RABEP1: variants seen among roughly 807,000 people sequenced by gnomAD.
RABEP1 encodes the protein rabaptin, RAB GTPase binding effector protein 1, also known as rab GTPase-binding effector protein 1.
Under a neutral mutation model 123.4 loss-of-function variants are expected in RABEP1, and 51 were observed. The observed-to-expected ratio is 0.41, with a 90% CI of 0.33 to 0.52. The LOEUF (loss-of-function observed/expected upper bound fraction) is 0.52. Among genes scored for constraint, RABEP1 ranks in the 20% least tolerant of loss-of-function variants. RABEP1 has a pLI of 0.16. For missense variants in RABEP1, 888 were observed against 996.3 expected (o/e 0.89, Z 1.46); for synonymous variants, 347 against 355.2 (o/e 0.98, Z 0.26).
chr17:5,385,447 C>G lies in RABEP1; in HGVS notation c.*2224C>G, dbSNP rs941379195. 2 of 200,808 alleles carry G rather than the reference C, an allele frequency of 1.0e-5. No individual in the cohort carries two copies. Among genetic ancestry groups the G allele is most frequent in the African/African-American group, 5.3e-5 (2 of 37,568 alleles). 12.4% of individuals were successfully genotyped at this position (200,808 alleles called of 1,614,324 possible). A position where few individuals can be genotyped will look rare whatever the true frequency, so the allele number is the denominator to read the frequency against. On this transcript the variant is annotated 3_prime_UTR_variant, in exon 18 of 18. Transcript: ENST00000537505. ...TCATGTGGCTTTTAATTGACAGTCA[C>G]TCAGCCATTTCTAAGCAGATATAGT...
intron 7 of RABEP1, among the ~76,000 whole-genome samples, chr17:5,352,913 A>G (rs903973612): frequency 2.0e-5 from 3 of 152,208 alleles, no homozygotes; most frequent in Admixed American, 6.5e-5. Context: ...AGCTCTTACT[A>G]TGTGCTAGCA....
chr17:5,300,457 G>A (rs1347358111), intron 1 of RABEP1, among the ~76,000 whole-genome samples: 3 of 152,176 alleles, frequency 2.0e-5, no homozygotes, highest in Non-Finnish European at 2.9e-5. Flanking sequence ...TATCAGTGAT[G>A]TGTAGCCTTG....
intron 1 of RABEP1, among the ~76,000 whole-genome samples, chr17:5,292,615 C>A (rs1481683583): frequency 6.6e-6 from 1 of 152,188 alleles, no homozygotes; most frequent in South Asian, 2.1e-4. Flanking sequence ...AACTCCTGAC[C>A]TCATGTGATC....
intron 11 of RABEP1, among the ~76,000 whole-genome samples, chr17:5,367,120 A>G (rs1375392450): frequency 4.6e-5 from 7 of 151,578 alleles, no homozygotes; most frequent in Admixed American, 3.3e-4. Context: ...TTTATTAATT[A>G]TTTCTTTATG....
intron 1 of RABEP1, among the ~76,000 whole-genome samples, chr17:5,298,690 C>T (rs1217678067): frequency 1.4e-5 from 2 of 142,380 alleles, no homozygotes; most frequent in African/African-American, 2.7e-5. Context: ...GAGTCTCGCT[C>T]TGTCGCCCAG....
At chr17:5,296,537 A>C (rs1390183784) in intron 1 of RABEP1, among the ~76,000 whole-genome samples, 4 of 152,194 alleles carry the variant, frequency 2.6e-5, no homozygotes, top group Non-Finnish European at 4.4e-5. Context: ...CTGGGATTAC[A>C]GGTGTGAGCC....
chr17:5,361,411 C>T lies in RABEP1; in HGVS notation c.1299C>T (p.Asn433=), dbSNP rs762030208. ...GYNYKAKSAG[N]LDESDFGPLV... is the part of the protein sequence containing the mutation. The stretch of plus-strand genomic sequence containing the variant: ...ACTACAAAGCAAAATCTGCTGGAAA[C>T]CTGGACGAGTCAGATTTTGGACCAC... Residue 433 remains asparagine (N), a synonymous_variant, in exon 9 of 18, where the codon AAC becomes AAT. Transcript: ENST00000537505. 13 of 1,614,062 alleles carry T rather than the reference C, an allele frequency of 8.1e-6. No individual in the cohort carries two copies. Among genetic ancestry groups the T allele is most frequent in the African/African-American group, 1.3e-5 (1 of 74,928 alleles).
In RABEP1 at chr17:5,383,199, C is replaced by T. The variant is rs1444876499; in HGVS notation, c.2565C>T (p.Asp855=). 5.6e-6 allele frequency: 9 copies of T among 1,613,960 alleles called. No homozygotes were observed. The highest frequency in any genetic ancestry group is 6.8e-6 in the Non-Finnish European group (8 of 1,179,988). The part of the protein sequence containing the change: ...RAILNDTKLT[D]INQLPET ...TTCTGAATGATACTAAACTGACAGA[C>T]ATTAACCAGCTTCCTGAGACATGAC... The change falls in exon 18 of 18, where the codon GAC becomes GAT. Residue 855 remains aspartate, a synonymous_variant. Coordinates refer to ENST00000537505, the MANE Select transcript of RABEP1 (RefSeq NM_004703.6).
chr17:5,380,519 C>G, intron 16 of RABEP1, 57 bp downstream of exon 16: 2 of 1,319,622 alleles, frequency 1.5e-6, no homozygotes, highest in Non-Finnish European at 2.1e-6. Context: ...TGCAGGATCA[C>G]ATCTTGCTTG....
intron 9 of RABEP1, among the ~76,000 whole-genome samples, chr17:5,362,256 C>G (rs2144678355): frequency 1.3e-5 from 2 of 152,318 alleles, no homozygotes; most frequent in East Asian, 3.9e-4. Context: ...TTTCACATAC[C>G]TGATCTCTTT....
intron 15 of RABEP1, chr17:5,378,481 A>G: frequency 1.7e-6 from 1 of 573,800 alleles, no homozygotes; most frequent in East Asian, 3.2e-5. Flanking sequence ...TTTCCAGTGT[A>G]GTGAGAAGAT....
At chr17:5,314,063 A>T (rs1321233762) in intron 2 of RABEP1, among the ~76,000 whole-genome samples, 1 of 152,110 alleles carries the variant, frequency 6.6e-6, no homozygotes, top group South Asian at 2.1e-4. Context: ...GGTCAAGGTA[A>T]CCCTGAAAGT....
intron 3 of RABEP1, among the ~76,000 whole-genome samples, chr17:5,332,825 C>T (rs569606605): frequency 6.6e-6 from 1 of 152,134 alleles, no homozygotes; most frequent in South Asian, 2.1e-4. Context: ...TCAGGCTGGT[C>T]TTGAACTCCT....
chr17:5,297,799 C>T (rs1046054762), intron 1 of RABEP1, among the ~76,000 whole-genome samples: 33 of 152,182 alleles, frequency 2.2e-4, no homozygotes, highest in African/African-American at 7.5e-4. Context: ...GGGATTCAAA[C>T]CCTAGTTTAA....
intron 5 of RABEP1, among the ~76,000 whole-genome samples, chr17:5,344,836 A>C (rs1413270630): frequency 6.6e-6 from 1 of 151,356 alleles, no homozygotes; most frequent in Non-Finnish European, 1.5e-5. Flanking sequence ...GCATGCCTGT[A>C]ATTCCAGCTA....
At chr17:5,337,477 A>T (rs1238357954) in intron 4 of RABEP1, among the ~76,000 whole-genome samples, 1 of 152,006 alleles carries the variant, frequency 6.6e-6, no homozygotes, top group African/African-American at 2.4e-5. Flanking sequence ...TGAGGTCAGG[A>T]GATCGAGACC....
At position 5,386,140 on chromosome 17, in the gene RABEP1, G is replaced by C. The variant is rs1911943357; in HGVS notation, c.*2917G>C. 1.6e-6 allele frequency: 2 copies of C among 1,216,646 alleles called. No individual in the cohort carries two copies. The highest frequency in any genetic ancestry group is 1.4e-5 in the South Asian group (1 of 72,396). The allele number at this position is 1,216,646 out of a possible 1,614,324, so 75.4% of individuals were successfully genotyped here. ...TTTTATAAATTAGATAATTCTACCTGTTTTACAATATGGGTTTAAGCCTTC... is the reference window on the plus strand; with the variant it reads ...TTTTATAAATTAGATAATTCTACCTCTTTTACAATATGGGTTTAAGCCTTC... On this transcript the variant is annotated 3_prime_UTR_variant, in exon 18 of 18. Coordinates refer to ENST00000537505, the MANE Select transcript of RABEP1 (RefSeq NM_004703.6).
Position 5,283,942 on chromosome 17 carries a change from C to T in RABEP1, c.34+1422C>T, listed in dbSNP as rs1435541155. 7 of 152,334 alleles carry T rather than the reference C, an allele frequency of 4.6e-5. No homozygotes were observed. The East Asian group carries it at 9.6e-4, about 21-fold the overall frequency. The allele number at this position is 152,334 out of a possible 1,614,324, so 9.4% of individuals were successfully genotyped here. A position where few individuals can be genotyped will look rare whatever the true frequency, so the allele number is the denominator to read the frequency against. On this transcript the variant is annotated intron_variant, in intron 1 of 17. Transcript: ENST00000537505. ...CAGAGAGAGGAAACTGGGATGTCTT[C>T]AGGCTGCATTTTAATGATCACCTTT...
intron 12 of RABEP1, chr17:5,371,141 T>G (rs1220710162): frequency 6.6e-6 from 1 of 152,110 alleles, no homozygotes; most frequent in Non-Finnish European, 1.5e-5. Context: ...GAATTTTTTG[T>G]TTTTTCAGTG....
Sources: allele counts gnomAD v4.1 joint callset (sites outside exome capture counted in the v4.1 genomes callset), GRCh38; gene constraint gnomAD v4.1.1; transcripts MANE v1.5; gene names NCBI Gene and HGNC (gene_info 2026-07-23, HGNC 2026-07-21).